The following PDXDC1 variants were observed in gnomAD, a reference collection of about 807,000 sequenced individuals.
PDXDC1 encodes the protein pyridoxal-dependent decarboxylase domain-containing protein 1.
A neutral mutation model predicts 100.1 loss-of-function variants in PDXDC1; 42 were observed. The ratio of observed to expected loss-of-function variants is 0.42; its 90% CI spans 0.33 to 0.54. The LOEUF is 0.54. Among genes scored for constraint, PDXDC1 ranks in the 20% least tolerant of loss-of-function variants. The probability of loss-of-function intolerance (pLI) is 0.10; values close to 1 mark genes in which losing one functional copy is unlikely to be tolerated. For missense variants in PDXDC1, 636 were observed against 979.2 expected, an observed-to-expected ratio of 0.65 and a Z score of 4.68; for synonymous variants, 260 against 371.7, an observed-to-expected ratio of 0.70 and a Z score of 3.46.
At chr16:15,122,911 TGGAGGAGGA>T (rs1297838771) in intron 16 of PDXDC1, among the ~76,000 whole-genome samples, 3 of 127,752 alleles carry the variant, frequency 2.3e-5, no homozygotes, top group African/African-American at 8.9e-5. Flanking sequence ...CTGGAGGAGG[TGGAGGAGGA>T]GGAGGAGAAG....
chr16:15,104,606 T>G lies in PDXDC1; in HGVS notation c.1400-34273T>G, dbSNP rs773104671. The G allele has an allele frequency of 2.5e-6, 4 of 1,599,032 alleles. No individual in the cohort carries two copies. The Admixed American group carries it at 6.7e-5, about 27-fold the overall frequency. ...GGGGATAGAGCAGACACTCCGCAGGTGTCTTGAGGCTCAGGGAGTTATCAG... is the reference window on the plus strand; with the variant it reads ...GGGGATAGAGCAGACACTCCGCAGGGGTCTTGAGGCTCAGGGAGTTATCAG... On this transcript the variant is annotated intron_variant, in intron 16 of 16. Transcript: ENST00000535621.
chr16:15,071,837 G>C (rs1419110741), intron 16 of PDXDC1, among the ~76,000 whole-genome samples: 1 of 152,098 alleles, frequency 6.6e-6, no homozygotes, highest in African/African-American at 2.4e-5. Flanking sequence ...GTTTGTGACA[G>C]GGCTTTGGAA....
At chr16:15,014,525 A>T (rs1302222343) in intron 8 of PDXDC1, among the ~76,000 whole-genome samples, 16 of 152,284 alleles carry the variant, frequency 1.1e-4, no homozygotes, top group African/African-American at 3.9e-4. Flanking sequence ...GGCACAGCCC[A>T]TGCATTGACA....
chr16:15,040,092 GA>G, downstream of PDXDC1: 1 of 1,330,128 alleles, frequency 7.5e-7, no homozygotes, highest in East Asian at 2.3e-5. Context: ...GGATGACTCT[GA>G]ATTGACAAAA....
At chr16:15,091,949 C>T (rs1366520478) in intron 16 of PDXDC1, among the ~76,000 whole-genome samples, 3 of 152,084 alleles carry the variant, frequency 2.0e-5, no homozygotes, top group Admixed American at 6.6e-5. Flanking sequence ...GAGGCCAAGG[C>T]GGGTGGATCA....
At chr16:15,047,897 C>T in intron 16 of PDXDC1, 3 of 1,613,766 alleles carry the variant, frequency 1.9e-6, no homozygotes, top group Non-Finnish European at 2.5e-6. Context: ...GTGGCATCAT[C>T]AGAACCCAGA....
intron 16 of PDXDC1, among the ~76,000 whole-genome samples, chr16:15,050,956 CAGTG>C (rs2044269192): frequency 6.6e-6 from 1 of 152,212 alleles, no homozygotes. Flanking sequence ...CTCCAGAAGT[CAGTG>C]AGAAACAGGT....
chr16:15,033,324 G>A lies in PDXDC1; in HGVS notation c.1737G>A (p.Ala579=), dbSNP rs371281866. 1.1e-5 allele frequency: 18 copies of A among 1,614,058 alleles called. No individual in the cohort carries two copies. Among genetic ancestry groups the A allele is most frequent in the Admixed American group, 3.3e-5 (2 of 60,010 alleles). ...AGAGCTGCCTTTATGTCGGCATGGCGAGCGACAACGTCGATGCTGCTGAGC... is the reference window on the plus strand; with the variant it reads ...AGAGCTGCCTTTATGTCGGCATGGCAAGCGACAACGTCGATGCTGCTGAGC... ...SMKSCLYVGM[A]SDNVDAAELV... Residue 579 remains alanine (A), a synonymous_variant, in exon 19 of 23, where the codon GCG becomes GCA. Transcript: ENST00000396410.
chr16:15,149,429 C>G, the PDXDC1 span, among the ~76,000 whole-genome samples: 2 of 152,232 alleles, frequency 1.3e-5, no homozygotes, highest in African/African-American at 4.8e-5. Context: ...GATCCAGGGA[C>G]CAGAAATGGG....
intron 16 of PDXDC1, chr16:15,061,678 G>A (rs1007801756): frequency 2.0e-6 from 3 of 1,484,756 alleles, no homozygotes; most frequent in African/African-American, 2.8e-5. Flanking sequence ...GCACAAGCTG[G>A]GTGCTGAGGG....
At chr16:15,134,464 G>C in intron 16 of PDXDC1, 1 of 435,822 alleles carries the variant, frequency 2.3e-6, no homozygotes, top group East Asian at 4.4e-5. Flanking sequence ...GGCCACTGCC[G>C]GTGAGCTCAC....
rs1307054141 is a variant in PDXDC1 at position 15,078,135 on chromosome 16, T to C, written c.1399+48079T>C. 2.0e-5 allele frequency among the ~76,000 whole-genome samples: 3 copies of C among 152,194 alleles called. No individual in the cohort carries two copies. In the East Asian group the frequency reaches 5.8e-4, roughly 29 times the overall value. ...TAAACATTCTAAAATGTTCCTTAAGTATATACCAGAGAAAGACTATAAAGA... is the reference window on the plus strand; with the variant it reads ...TAAACATTCTAAAATGTTCCTTAAGCATATACCAGAGAAAGACTATAAAGA... On this transcript the variant is annotated intron_variant, in intron 16 of 16. Coordinates refer to the PDXDC1 transcript ENST00000535621.
At chr16:15,084,006 G>A (rs1421516411) in intron 16 of PDXDC1, among the ~76,000 whole-genome samples, 3 of 152,310 alleles carry the variant, frequency 2.0e-5, no homozygotes, top group East Asian at 3.9e-4. Flanking sequence ...GTGAGCCACC[G>A]CGCCCGGCCA....
chr16:15,141,156 C>T (rs1340197137), downstream of PDXDC1, among the ~76,000 whole-genome samples: 2 of 152,012 alleles, frequency 1.3e-5, no homozygotes, highest in Non-Finnish European at 2.9e-5. Context: ...ACCCGCCCAG[C>T]CCTGCCAGCC....
chr16:15,143,314 C>T (rs1248580842), downstream of PDXDC1, among the ~76,000 whole-genome samples: 1 of 152,150 alleles, frequency 6.6e-6, no homozygotes, highest in Non-Finnish European at 1.5e-5. Flanking sequence ...GGAGCAGGAG[C>T]AGCAACAGCA....
At chr16:15,133,306 G>T (rs1213629911) in intron 16 of PDXDC1, 15 of 1,569,670 alleles carry the variant, frequency 9.6e-6, no homozygotes, top group Non-Finnish European at 1.2e-5. Flanking sequence ...ACTCGATGAC[G>T]TGCTGGGGAT....
At chr16:15,128,362 A>G (rs1339860684) in intron 16 of PDXDC1, 1 of 1,605,754 alleles carries the variant, frequency 6.2e-7, no homozygotes, top group East Asian at 2.2e-5. Flanking sequence ...CACCCCATAC[A>G]GCATGATGCC....
intron 15 of PDXDC1, chr16:15,029,478 G>C: frequency 2.8e-6 from 1 of 351,706 alleles, no homozygotes; most frequent in Non-Finnish European, 5.0e-6. Context: ...ATAAGTCCTG[G>C]TACATCCATG....
chr16:15,022,623 ACCTCCACAGCC>A lies in PDXDC1; in HGVS notation c.1090-77_1090-67del. 2.2e-6 allele frequency: 3 copies of A among 1,364,778 alleles called. No individual in the cohort carries two copies. The South Asian group carries it at 3.8e-5, about 17-fold the overall frequency. 84.5% of individuals were successfully genotyped at this position (1,364,778 alleles called of 1,614,324 possible). On this transcript the variant is annotated intron_variant, in intron 12 of 22. Coordinates refer to ENST00000396410, the MANE Select transcript of PDXDC1 (RefSeq NM_015027.4). ...CTTTGCCTGACATCCGTGTTCACAG[ACCTCCACAGCC>A]CCTGGTGAAAACCACTTCTTCATGT...
Sources: allele counts gnomAD v4.1 joint callset (sites outside exome capture counted in the v4.1 genomes callset), GRCh38; gene constraint gnomAD v4.1.1; transcripts MANE v1.5; gene names NCBI Gene and HGNC (gene_info 2026-07-23, HGNC 2026-07-21).